Variants in ACSL4 observed in about 807,000 individuals in gnomAD.
ACSL4 encodes the protein long-chain-fatty-acid--CoA ligase 4.
ACSL4 carries 9 observed loss-of-function variants against 49.1 expected under a neutral mutation model. That is an observed-to-expected ratio of 0.18 (90% confidence interval 0.11 to 0.32). The LOEUF (loss-of-function observed/expected upper bound fraction) is 0.32. Among genes scored for constraint, ACSL4 ranks in the 10% least tolerant of loss-of-function variants. ACSL4 has a pLI of 1.00. For synonymous variants in ACSL4, 191 were observed against 170.3 expected (o/e 1.12, Z -0.95); for missense variants, 333 against 493.7 (o/e 0.67, Z 3.08).
rs866668807 is a variant in ACSL4, at chrX:109,663,374, G to A, written c.1419C>T (p.Asn473=). 8.3e-7 allele frequency: 1 copy of A among 1,209,907 alleles called. No homozygotes were observed. Among genetic ancestry groups the A allele is most frequent in the Non-Finnish European group, 1.1e-6 (1 of 894,096 alleles). The change falls in exon 13 of 16, where the codon AAC becomes AAT. Residue 473 remains asparagine, a synonymous_variant. Transcript: ENST00000672401. ...EGGYTINDKP[N]PRGEIVIGGQ... ...CACCAATTACGATTTCACCTCTGGG[G>A]TTTGGCTTGTCATTAATTGTATAAC...
chrX:109,727,495 A>T (rs1928091810), intron 1 of ACSL4, among the ~76,000 whole-genome samples: 1 of 111,793 alleles, frequency 8.9e-6, no homozygotes, highest in African/African-American at 3.3e-5. Flanking sequence ...CCCACACTTA[A>T]CAACAAAATC....
chrX:109,718,106 C>T (rs1390707639), intron 1 of ACSL4, among the ~76,000 whole-genome samples: 2 of 112,277 alleles, frequency 1.8e-5, no homozygotes, highest in Non-Finnish European at 3.8e-5. Context: ...CAAATTCCTA[C>T]TCACTCCTCA....
In ACSL4 at chrX:109,643,732, T is replaced by C. The variant is rs1309081196; in HGVS notation, c.*297A>G. ...CCAATTTATTTTGTTCAACATTAAA[T>C]ATTTTTCTTTACAAAAACAAGTATA... On this transcript the variant is annotated 3_prime_UTR_variant, in exon 16 of 16. Transcript: ENST00000672401. 8.4e-6 allele frequency: 2 copies of C among 239,462 alleles called. No individual in the cohort carries two copies. Among genetic ancestry groups the C allele is most frequent in the Non-Finnish European group, 7.5e-6 (1 of 132,885 alleles). 19.7% of individuals were successfully genotyped at this position (239,462 alleles called of 1,213,427 possible).
At chrX:109,729,315 G>A (rs1928250316) in intron 1 of ACSL4, among the ~76,000 whole-genome samples, 1 of 112,221 alleles carries the variant, frequency 8.9e-6, no homozygotes, top group African/African-American at 3.2e-5. Flanking sequence ...AAGATACAGA[G>A]AATGGCAAAT....
Position 109,733,232 on chromosome X carries a change from G to C in ACSL4, c.-159C>G, listed in dbSNP as rs1380100090. 8 of 320,444 alleles carry C rather than the reference G, an allele frequency of 2.5e-5. No individual in the cohort carries two copies. The highest frequency in any genetic ancestry group is 4.8e-5 in the Non-Finnish European group (8 of 166,068). 26.4% of individuals were successfully genotyped at this position (320,444 alleles called of 1,213,427 possible). ...ACCGCGTGCCCGCTAGCGCTGGGAC[G>C]AGGAGGAGCGCGCGGCGGAGGCCAG... On this transcript the variant is annotated 5_prime_UTR_variant, in exon 1 of 16. Transcript: ENST00000672401.
chrX:109,716,702 A>G (rs1215100200), intron 1 of ACSL4, among the ~76,000 whole-genome samples: 1 of 112,223 alleles, frequency 8.9e-6, no homozygotes. Context: ...GTGCCAAAAC[A>G]AGAACTCTTA....
At chrX:109,711,292 G>A (rs1926730211) in intron 1 of ACSL4, among the ~76,000 whole-genome samples, 1 of 111,722 alleles carries the variant, frequency 9.0e-6, no homozygotes, top group Non-Finnish European at 1.9e-5. Context: ...TCTTTTTATG[G>A]TAGGTAGTAC....
At chrX:109,677,653 C>T (rs1231010911) in intron 8 of ACSL4, among the ~76,000 whole-genome samples, 4 of 109,454 alleles carry the variant, frequency 3.7e-5, no homozygotes, top group African/African-American at 1.0e-4. Flanking sequence ...TGGTGGCGGG[C>T]GCCTGCAATC....
In ACSL4 at chrX:109,650,696, A is replaced by G. The variant is rs138517663; in HGVS notation, c.1856-6510T>C. Among the ~76,000 whole-genome samples, 1,024 of 111,954 alleles carry G rather than the reference A, an allele frequency of 9.1e-3. 11 individuals are homozygous for G. Among genetic ancestry groups the G allele is most frequent in the African/African-American group, 0.031 (969 of 30,806 alleles). On this transcript the variant is annotated intron_variant, in intron 15 of 15. Coordinates refer to ENST00000672401, the MANE Select transcript of ACSL4 (RefSeq NM_001318510.2). ...AGTATAATAATAAATAAAGAAATAC[A>G]CAAAAGAGAAGTCCCTTTGTCTCTC...
intron 1 of ACSL4, among the ~76,000 whole-genome samples, chrX:109,707,608 A>G (rs1396236343): frequency 9.1e-6 from 1 of 110,361 alleles, no homozygotes; most frequent in Non-Finnish European, 1.9e-5. Context: ...GTACCGGTCC[A>G]TGGTCTGGGA....
intron 1 of ACSL4, among the ~76,000 whole-genome samples, chrX:109,730,115 GA>G (rs1928309279): frequency 8.9e-6 from 1 of 112,105 alleles, no homozygotes; most frequent in Non-Finnish European, 1.9e-5. Flanking sequence ...TAAAGGTGAC[GA>G]AATCTGAGTA....
chrX:109,658,315 ACC>A (rs1397423364), intron 15 of ACSL4, among the ~76,000 whole-genome samples: 1 of 108,792 alleles, frequency 9.2e-6, no homozygotes, highest in Non-Finnish European at 1.9e-5. Flanking sequence ...ATTACTCACC[ACC>A]CCCCAGTCTA....
At chrX:109,710,408 A>G (rs1444324375) in intron 1 of ACSL4, among the ~76,000 whole-genome samples, 1 of 112,277 alleles carries the variant, frequency 8.9e-6, no homozygotes, top group Non-Finnish European at 1.9e-5. Context: ...TAATCACACA[A>G]ACACACAAGA....
At chrX:109,693,301 A>G (rs1377321303) in intron 2 of ACSL4, among the ~76,000 whole-genome samples, 1 of 111,993 alleles carries the variant, frequency 8.9e-6, no homozygotes, top group Non-Finnish European at 1.9e-5. Flanking sequence ...AGTATTAAAT[A>G]GATCTTAGAA....
chrX:109,672,759 G>A (rs1430413109), intron 9 of ACSL4, among the ~76,000 whole-genome samples: 5 of 108,857 alleles, frequency 4.6e-5, no homozygotes, highest in East Asian at 2.9e-4. Context: ...TCTCGAGGCC[G>A]CAAGACATAA....
chrX:109,666,960 A>C (rs1008701637), intron 11 of ACSL4, among the ~76,000 whole-genome samples: 10 of 112,003 alleles, frequency 8.9e-5, no homozygotes, highest in African/African-American at 2.6e-4. Flanking sequence ...AGCAATAAAA[A>C]GTTGGACGAC....
In ACSL4 at chrX:109,642,557, T is replaced by A. The variant is rs1934475846; in HGVS notation, c.*1472A>T. 9.0e-6 allele frequency: 1 copy of A among 111,023 alleles called. No individual in the cohort carries two copies. Among genetic ancestry groups the A allele is most frequent in the Non-Finnish European group, 1.9e-5 (1 of 52,887 alleles). The allele number at this position is 111,023 out of a possible 1,213,427, so 9.1% of individuals were successfully genotyped here. The stretch of plus-strand genomic sequence containing the variant: ...TATTTTGTTGCAATGGTGGCCCACA[T>A]CTGTACAAAACAACATAAGCAACAC... On this transcript the variant is annotated 3_prime_UTR_variant, in exon 16 of 16. Transcript: ENST00000672401.
chrX:109,669,225 T>C, intron 9 of ACSL4, 52 bp from the exon 10 acceptor site: 1 of 959,286 alleles, frequency 1.0e-6, no homozygotes, highest in Non-Finnish European at 1.5e-6. Flanking sequence ...AGACAGTCTT[T>C]AGTTGAAGAT....
At chrX:109,727,660 TGTG>T (rs1361592533) in intron 1 of ACSL4, among the ~76,000 whole-genome samples, 1 of 6,946 alleles carries the variant, frequency 1.4e-4, no homozygotes, top group African/African-American at 2.3e-3. Flanking sequence ...TGTTAAATTG[TGTG>T]TGTGTGTGTG....
Sources: gnomAD v4.1 joint callset for allele counts (sites outside exome capture counted in the v4.1 genomes callset) on GRCh38, gnomAD v4.1.1 for gene constraint, MANE v1.5 for transcripts, NCBI Gene and HGNC (gene_info 2026-07-23, HGNC 2026-07-21) for gene names.